ANK1: variants seen among roughly 807,000 people sequenced by gnomAD.
ANK1 encodes ankyrin-1.
ANK1 carries 51 observed loss-of-function variants against 210.4 expected under a neutral mutation model. That is an observed-to-expected ratio of 0.24 (90% confidence interval 0.19 to 0.31). ANK1 has a LOEUF of 0.31. Ranked by LOEUF, ANK1 falls within the 10% of genes least tolerant of loss-of-function variation. The pLI, the probability that ANK1 is intolerant of heterozygous loss-of-function variation, is 1.00. For synonymous variants in ANK1, 967 were observed against 1,025.9 expected, an observed-to-expected ratio of 0.94 and a Z score of 1.10; for missense variants, 2,051 against 2,504.4, an observed-to-expected ratio of 0.82 and a Z score of 3.86.
chr8:41,699,803 A>G (rs1822191596), intron 22 of ANK1, among the ~76,000 whole-genome samples: 1 of 152,180 alleles, frequency 6.6e-6, no homozygotes, highest in Admixed American at 6.5e-5. Context: ...CACAGCCAGA[A>G]AGAACTTTGT....
intron 1 of ANK1, among the ~76,000 whole-genome samples, chr8:41,857,422 A>C (rs536407758): frequency 6.7e-6 from 1 of 149,484 alleles, no homozygotes; most frequent in South Asian, 2.1e-4. Context: ...ACATGGTGAA[A>C]CCCCATCTCT....
intron 2 of ANK1, 96 bp from the exon 3 acceptor site, chr8:41,734,165 G>T: frequency 9.4e-7 from 1 of 1,066,000 alleles, no homozygotes; most frequent in Non-Finnish European, 1.4e-6. Context: ...GCCCTGAGGT[G>T]TTCACAGCAC....
intron 10 of ANK1, 121 bp from the exon 11 acceptor site, chr8:41,718,325 A>G (rs999408662): frequency 7.1e-6 from 6 of 839,520 alleles, no homozygotes; most frequent in African/African-American, 3.4e-5. Context: ...GCAGATGCCC[A>G]TAGACCAATC....
chr8:41,844,330 G>A (rs1163949344), intron 1 of ANK1, among the ~76,000 whole-genome samples: 1 of 152,216 alleles, frequency 6.6e-6, no homozygotes, highest in African/African-American at 2.4e-5. Flanking sequence ...GGAGGTGTTG[G>A]CGAATGGGTA....
At position 41,797,555 on chromosome 8, in the gene ANK1, G is replaced by C. The variant is rs757307424; in HGVS notation, c.-17C>G. 6.2e-7 allele frequency: 1 copy of C among 1,613,494 alleles called. No homozygotes were observed. Among genetic ancestry groups the C allele is most frequent in the Non-Finnish European group, 8.5e-7 (1 of 1,179,858 alleles). Reference sequence around the variant, plus strand: ...ATAGGGCATGCCGGTCTTTCAGCAGGGGCCCGCCGAAGGGCCTTGGGGGCT... The same window carrying C: ...ATAGGGCATGCCGGTCTTTCAGCAGCGGCCCGCCGAAGGGCCTTGGGGGCT... On this transcript the variant is annotated 5_prime_UTR_variant, in exon 1 of 43. Coordinates refer to ENST00000289734, the MANE Select transcript of ANK1 (RefSeq NM_000037.4). The surrounding 1 kb of genome is among the most constrained non-coding windows in gnomAD (Gnocchi z 4.0).
At chr8:41,696,858 C>T in intron 24 of ANK1, 85 bp from the exon 25 acceptor site, 1 of 1,325,188 alleles carries the variant, frequency 7.5e-7, no homozygotes, top group Non-Finnish European at 1.1e-6. Context: ...TTGGAAGAAC[C>T]TTGCCGCTAG....
intron 31 of ANK1, among the ~76,000 whole-genome samples, chr8:41,691,035 C>A (rs1028133473): frequency 6.6e-6 from 1 of 152,156 alleles, no homozygotes; most frequent in African/African-American, 2.4e-5. Context: ...CCAGCCTGGG[C>A]AACATAGGAG....
chr8:41,668,319 C>G lies in ANK1; in HGVS notation c.5342G>C (p.Gly1781Ala). 1 of 1,614,224 alleles carries G rather than the reference C, an allele frequency of 6.2e-7. No individual in the cohort carries two copies. The highest frequency in any genetic ancestry group is 8.5e-7 in the Non-Finnish European group (1 of 1,180,032). ...GGCCTCCTGCACCTGCTCTTCTTGG[C>G]CTTGCTGCCTCCGGTCCCTGTCGGC... ...SQADRDRRQQGQEEQVQEAKN... is the reference protein window; with the variant it reads ...SQADRDRRQQAQEEQVQEAKN... The change falls in exon 39 of 43, where the codon GGC (glycine) becomes GCC (alanine). Residue 1781 changes from glycine to alanine, a missense_variant. By Grantham distance (60) the Gly-to-Ala change is moderately conservative. Around this residue, in one of 6 missense-constraint regions of ANK1, gnomAD observed 496 missense variants for 533.4 expected, o/e 0.93. Transcript: ENST00000289734.
chr8:41,706,719 C>T lies in ANK1; in HGVS notation c.1999-478G>A, dbSNP rs1824685858. ...TGTAGCCTTGGTTTCCTAATCTAGACAATAGGGGTTATCATGGATCCATCT... is the reference window on the plus strand; with the variant it reads ...TGTAGCCTTGGTTTCCTAATCTAGATAATAGGGGTTATCATGGATCCATCT... On this transcript the variant is annotated intron_variant, in intron 17 of 42. Coordinates refer to ENST00000289734, the MANE Select transcript of ANK1 (RefSeq NM_000037.4). 2.6e-5 allele frequency among the ~76,000 whole-genome samples: 4 copies of T among 152,142 alleles called. No individual in the cohort carries two copies. The South Asian group carries it at 8.3e-4, about 32-fold the overall frequency.
intron 1 of ANK1, among the ~76,000 whole-genome samples, chr8:41,827,810 C>A (rs914516770): frequency 6.6e-6 from 1 of 151,746 alleles, no homozygotes; most frequent in Non-Finnish European, 1.5e-5. Flanking sequence ...CTCACGCACA[C>A]ACCCACATAC....
chr8:41,837,199 G>T (rs1322991638), intron 1 of ANK1, among the ~76,000 whole-genome samples: 5 of 152,206 alleles, frequency 3.3e-5, no homozygotes, highest in Admixed American at 2.6e-4. Context: ...GACAAAGAAT[G>T]CAGGAGAGCT....
chr8:41,789,005 T>G (rs938924744), intron 1 of ANK1: 2 of 152,292 alleles, frequency 1.3e-5, no homozygotes, highest in Non-Finnish European at 2.9e-5. Context: ...CTCTGTTTTG[T>G]GAAATTCTAC....
At chr8:41,838,679 C>G (rs977419340) in intron 1 of ANK1, among the ~76,000 whole-genome samples, 5 of 151,814 alleles carry the variant, frequency 3.3e-5, no homozygotes. Context: ...GCAGGAGAAT[C>G]GCTTGAACCC....
chr8:41,699,428 G>T (rs1822046902), intron 23 of ANK1, 24 bp downstream of exon 23: 1 of 1,608,866 alleles, frequency 6.2e-7, no homozygotes, highest in South Asian at 1.1e-5. Flanking sequence ...CACCCCCGGG[G>T]ACCCTCCCGG....
intron 18 of ANK1, among the ~76,000 whole-genome samples, chr8:41,705,350 C>T (rs945078934): frequency 2.6e-5 from 4 of 152,176 alleles, no homozygotes; most frequent in African/African-American, 9.7e-5. Flanking sequence ...AAACGGGGCC[C>T]GCAAGTGAAG....
At chr8:41,817,390 G>A (rs1288053620) in intron 1 of ANK1, among the ~76,000 whole-genome samples, 1 of 152,218 alleles carries the variant, frequency 6.6e-6, no homozygotes, top group Non-Finnish European at 1.5e-5. Flanking sequence ...GGTGAGGTTT[G>A]GGTACTGGTA....
At chr8:41,717,134 G>C in intron 12 of ANK1, 83 bp from the exon 13 acceptor site, 1 of 1,486,990 alleles carries the variant, frequency 6.7e-7, no homozygotes, top group South Asian at 1.1e-5. Context: ...GTGCAGTCTG[G>C]AGTGGCTTGG....
intron 1 of ANK1, among the ~76,000 whole-genome samples, chr8:41,859,376 T>C (rs566178675): frequency 6.6e-6 from 1 of 152,312 alleles, no homozygotes; most frequent in South Asian, 2.1e-4. Context: ...TTTGACACTC[T>C]CGCTCTGTCG....
At chr8:41,712,491 A>C (rs1826428374) in intron 16 of ANK1, among the ~76,000 whole-genome samples, 2 of 152,194 alleles carry the variant, frequency 1.3e-5, no homozygotes, top group Admixed American at 1.3e-4. Context: ...ACCAGAACTA[A>C]AATGAACAAA....
Sources: allele counts gnomAD v4.1 joint callset (sites outside exome capture counted in the v4.1 genomes callset), GRCh38; gene constraint gnomAD v4.1.1; regional missense constraint gnomAD v4.1.1; non-coding constraint Gnocchi (gnomAD v3.1); transcripts MANE v1.5; gene names NCBI Gene and HGNC (gene_info 2026-07-23, HGNC 2026-07-21).